Variants in EP400 observed in about 807,000 individuals in gnomAD.
EP400 encodes the protein E1A binding protein p400, also known as E1A-binding protein p400.
EP400 carries 105 observed loss-of-function variants against 354.1 expected under a neutral mutation model. The observed-to-expected ratio is 0.30, with a 90% confidence interval of 0.25 to 0.35. The LOEUF is 0.35. EP400 is among the 10% of genes least tolerant of loss of function. The probability of loss-of-function intolerance (pLI) is 1.00; values close to 1 mark genes in which losing one functional copy is unlikely to be tolerated. For synonymous variants in EP400, 1,646 were observed against 1,716.9 expected, an observed-to-expected ratio of 0.96 and a Z score of 1.02; for missense variants, 3,280 against 4,121.0, an observed-to-expected ratio of 0.80 and a Z score of 5.59.
At chr12:131,952,715 G>A (rs1891554702) in intron 1 of EP400, among the ~76,000 whole-genome samples, 1 of 152,136 alleles carries the variant, frequency 6.6e-6, no homozygotes, top group Non-Finnish European at 1.5e-5. Context: ...GTCTCCCACC[G>A]TGTTGGAATT....
chr12:132,055,874 C>CT (rs1050766886), intron 45 of EP400, among the ~76,000 whole-genome samples: 8 of 151,840 alleles, frequency 5.3e-5, no homozygotes, highest in African/African-American at 1.9e-4. Context: ...GTGCTTGTCA[C>CT]TGTGCCCATG....
In EP400 at chr12:132,013,532, C is replaced by G. The variant is rs767834422; in HGVS notation, c.3654C>G (p.Thr1218=). The G allele has an allele frequency of 5.6e-6, 9 of 1,604,770 alleles. No homozygotes were observed. The highest frequency in any genetic ancestry group is 7.7e-6 in the Non-Finnish European group (9 of 1,175,460). ...LLLIDSPLHN[T]FLELWTMVHF... is the part of the protein sequence containing the mutation. ...TGATCGACTCGCCGCTGCACAATAC[C>G]TTCCTGGAGCTCTGGACCATGGTGC... The change falls in exon 18 of 53, where the codon ACC becomes ACG. Residue 1218 remains threonine, a synonymous_variant. Transcript: ENST00000389561. The surrounding 1 kb of genome is among the most constrained non-coding windows in gnomAD (Gnocchi z 4.5).
chr12:131,986,580 T>C lies in EP400; in HGVS notation c.1996T>C (p.Ser666Pro). 1 of 1,614,008 alleles carries C rather than the reference T, an allele frequency of 6.2e-7. No individual in the cohort carries two copies. The highest frequency in any genetic ancestry group is 1.1e-5 in the South Asian group (1 of 91,078). Residue 666 changes from serine to proline, a missense_variant, in exon 6 of 53, where the codon TCT (serine) becomes CCT (proline). Around this residue, in one of 20 missense-constraint regions of EP400, gnomAD observed 800 missense variants for 840.0 expected, o/e 0.95. Transcript: ENST00000389561. ...PPCPRPLPTSSTSSLAPVSGS... is the reference protein window; with the variant it reads ...PPCPRPLPTSPTSSLAPVSGS... ...CTGCCCACGGCCTCTGCCCACCTCT[T>C]CTACCTCGTCCCTCGCGCCTGTGAG...
intron 2 of EP400, among the ~76,000 whole-genome samples, chr12:131,972,157 TC>T (rs1892306465): frequency 1.7e-5 from 2 of 116,730 alleles, no homozygotes; most frequent in Non-Finnish European, 3.5e-5. Context: ...TTTTTCTTTT[TC>T]TTTTTTTTTT....
At chr12:132,006,955 G>C in intron 15 of EP400, 78 bp downstream of exon 15, 1 of 1,522,550 alleles carries the variant, frequency 6.6e-7, no homozygotes, top group Non-Finnish European at 9.0e-7. Flanking sequence ...ATGGGAGTGT[G>C]GGGACTTGGC....
In EP400 at chr12:132,017,383, A is replaced by T; in HGVS notation, c.3924-152A>T. On this transcript the variant is annotated intron_variant, in intron 19 of 52. Coordinates refer to ENST00000389561, the MANE Select transcript of EP400 (RefSeq NM_015409.5). The surrounding 1 kb of genome is among the most constrained non-coding windows in gnomAD (Gnocchi z 5.0). The stretch of plus-strand genomic sequence containing the variant: ...GCAGAGGGGCCTGCCTGGGATGTGG[A>T]CTTGAATGGCCACTCTGTCTAACTC... 1.4e-6 allele frequency: 1 copy of T among 701,108 alleles called. No homozygotes were observed. Among genetic ancestry groups the T allele is most frequent in the Admixed American group, 3.1e-5 (1 of 31,796 alleles). 43.4% of individuals were successfully genotyped at this position (701,108 alleles called of 1,614,324 possible). A position where few individuals can be genotyped will look rare whatever the true frequency, so the allele number is the denominator to read the frequency against.
At chr12:131,960,452 A>G (rs977043161) in intron 1 of EP400, 133 bp from the exon 2 acceptor site, 24 of 918,678 alleles carry the variant, frequency 2.6e-5, no homozygotes, top group Non-Finnish European at 3.6e-5. Flanking sequence ...GCCATATTGA[A>G]TGTGAGTCAG....
chr12:131,988,259 C>T (rs1041586853), intron 7 of EP400, among the ~76,000 whole-genome samples: 10 of 152,178 alleles, frequency 6.6e-5, no homozygotes, highest in Admixed American at 3.3e-4. Flanking sequence ...AATTAAGTCT[C>T]TGAGGTGGTG....
rs778045750 is a variant in EP400 at position 132,045,468 on chromosome 12, G to A, written c.6934G>A (p.Ala2312Thr). Residue 2312 changes from alanine (A) to threonine (T), a missense_variant, in exon 38 of 53, where the codon GCC becomes ACC. Coordinates refer to ENST00000389561, the MANE Select transcript of EP400 (RefSeq NM_015409.5). ...TCTGCTGAAGCAGCAGGTGCCATTC[G>A]CCAAGCCCCTGCCAACTTTTGCCAA... is the stretch of plus-strand genomic sequence containing the variant. The part of the protein sequence containing the change: ...NILLKQQVPF[A>T]KPLPTFAKPT... 7 of 1,614,010 alleles carry A rather than the reference G, an allele frequency of 4.3e-6. No homozygotes were observed. Among genetic ancestry groups the A allele is most frequent in the South Asian group, 1.1e-5 (1 of 91,058 alleles).
At chr12:132,009,107 A>G (rs1321833360) in intron 15 of EP400, among the ~76,000 whole-genome samples, 1 of 148,910 alleles carries the variant, frequency 6.7e-6, no homozygotes, top group Non-Finnish European at 1.5e-5. Context: ...TAAGTTTTAT[A>G]TTTTTGGCAG....
chr12:132,018,083 C>G lies in EP400; in HGVS notation c.4111-127C>G. On this transcript the variant is annotated intron_variant, in intron 20 of 52. Coordinates refer to ENST00000389561, the MANE Select transcript of EP400 (RefSeq NM_015409.5). The surrounding 1 kb of genome is among the most constrained non-coding windows in gnomAD (Gnocchi z 4.0). ...TTGGCACGGAGGAGGGTCTGCTTGC[C>G]GAGTGGCCGTTAGAGGGGGCGCGTC... 8.6e-7 allele frequency: 1 copy of G among 1,164,674 alleles called. No homozygotes were observed. The highest frequency in any genetic ancestry group is 1.2e-6 in the Non-Finnish European group (1 of 819,574). The allele number at this position is 1,164,674 out of a possible 1,614,324, so 72.1% of individuals were successfully genotyped here.
intron 23 of EP400, among the ~76,000 whole-genome samples, chr12:132,022,368 C>CT (rs1894147611): frequency 6.6e-6 from 1 of 152,222 alleles, no homozygotes; most frequent in African/African-American, 2.4e-5. Context: ...GCACAAATCT[C>CT]TGTCTTCTGT....
chr12:132,023,952 G>A lies in EP400; in HGVS notation c.4855+11G>A, dbSNP rs756809315. On this transcript the variant is annotated intron_variant, in intron 24 of 52. Coordinates refer to ENST00000389561, the MANE Select transcript of EP400 (RefSeq NM_015409.5). ...CGCTGCAGCTGCAAGGTAAGGATAA[G>A]GATGAGAGAGCACTGATGCCAAAAA... The A allele has an allele frequency of 1.9e-6, 3 of 1,584,886 alleles. No individual in the cohort carries two copies.
rs780515058 is a variant in EP400, at chr12:132,013,181, CTG to C, written c.3611+9_3611+10del. 2 of 1,609,804 alleles carry C rather than the reference CTG, an allele frequency of 1.2e-6. No individual in the cohort carries two copies. The highest frequency in any genetic ancestry group is 1.7e-6 in the Non-Finnish European group (2 of 1,177,148). ...GAAGCGGTTTTCACCCTGCAGAGGT[CTG>C]TGTGTTACGCGCTTGTCATTGAGTG... On this transcript the variant is annotated splice_donor_5th_base_variant and intron_variant, in intron 17 of 52. Transcript: ENST00000389561. This position sits in a 1 kb window ranked among gnomAD's most constrained non-coding sequence, Gnocchi z 4.5.
Position 131,991,403 on chromosome 12 carries a change from C to T in EP400, c.2630-4C>T. ...GGAACGAACTGTGCTCCTTGTCTCT[C>T]TAGGGAAAGAATTGAGACCTAAAGG... On this transcript the variant is annotated splice_polypyrimidine_tract_variant and splice_region_variant and intron_variant, in intron 9 of 52. Transcript: ENST00000389561. 6.2e-7 allele frequency: 1 copy of T among 1,613,844 alleles called. No individual in the cohort carries two copies. The highest frequency in any genetic ancestry group is 2.2e-5 in the East Asian group (1 of 44,864).
At chr12:131,983,464 G>T (rs1347578217) in intron 5 of EP400, among the ~76,000 whole-genome samples, 1 of 152,224 alleles carries the variant, frequency 6.6e-6, no homozygotes, top group African/African-American at 2.4e-5. Flanking sequence ...ACAGTAAACT[G>T]GTTTCGGTTC....
At chr12:132,008,201 A>G (rs1295533486) in intron 15 of EP400, among the ~76,000 whole-genome samples, 2 of 152,054 alleles carry the variant, frequency 1.3e-5, no homozygotes, top group Non-Finnish European at 2.9e-5. Context: ...GCCTGCCTTG[A>G]CCTTCCAAAA....
chr12:132,048,269 T>A (rs2136583464), intron 39 of EP400, among the ~76,000 whole-genome samples: 1 of 152,286 alleles, frequency 6.6e-6, no homozygotes, highest in Non-Finnish European at 1.5e-5. Context: ...GTGATAAGTG[T>A]CCATGAAATC....
intron 51 of EP400, among the ~76,000 whole-genome samples, chr12:132,073,965 C>T (rs1675651569): frequency 8.0e-6 from 1 of 125,662 alleles, no homozygotes; most frequent in African/African-American, 3.1e-5. Flanking sequence ...GGCTCACTCT[C>T]CCATGCTGGA....
Sources: gnomAD v4.1 joint callset for allele counts (sites outside exome capture counted in the v4.1 genomes callset) on GRCh38, gnomAD v4.1.1 for gene constraint, gnomAD v4.1.1 regional missense constraint, Gnocchi (gnomAD v3.1) non-coding constraint, MANE v1.5 for transcripts, NCBI Gene and HGNC (gene_info 2026-07-23, HGNC 2026-07-21) for gene names.